ZNF385D: variants seen among roughly 807,000 people sequenced by gnomAD.
The protein encoded by ZNF385D is zinc finger protein 659.
ZNF385D carries 15 observed loss-of-function variants against 35.8 expected under a neutral mutation model. The observed-to-expected ratio is 0.42, with a 90% CI of 0.28 to 0.64. ZNF385D has a LOEUF of 0.64. Among genes scored for constraint, ZNF385D ranks in the 30% least tolerant of loss-of-function variants. The pLI is 0.23. For synonymous variants in ZNF385D, 212 were observed against 186.8 expected, an observed-to-expected ratio of 1.13 and a Z score of -1.10; for missense variants, 474 against 494.6, an observed-to-expected ratio of 0.96 and a Z score of 0.39.
intron 4 of ZNF385D, among the ~76,000 whole-genome samples, chr3:21,446,390 C>T (rs932143427): frequency 2.6e-5 from 4 of 151,716 alleles, no homozygotes; most frequent in African/African-American, 9.7e-5. Context: ...ATTGGCACAT[C>T]CCAGGCAAGC....
chr3:21,797,073 G>A (rs1609975), intron 3 of ZNF385D, among the ~76,000 whole-genome samples: 107,486 of 152,106 alleles, frequency 0.71, 38,199 homozygotes, highest in East Asian at 0.82. Context: ...AAGTCAAGAC[G>A]TATTTGCAAA....
At chr3:21,629,937 G>C (rs1019990705) in intron 2 of ZNF385D, among the ~76,000 whole-genome samples, 1 of 152,096 alleles carries the variant, frequency 6.6e-6, no homozygotes, top group Non-Finnish European at 1.5e-5. Context: ...TTACTGCAAT[G>C]ATATGGTTAA....
At chr3:21,980,327 A>T in intron 3 of ZNF385D, among the ~76,000 whole-genome samples, 1 of 152,156 alleles carries the variant, frequency 6.6e-6, no homozygotes, top group Non-Finnish European at 1.5e-5. Flanking sequence ...GTCGCTTTTG[A>T]ATTCCTGACT....
At chr3:21,819,755 CAT>C (rs1455185104) in intron 3 of ZNF385D, among the ~76,000 whole-genome samples, 1 of 139,564 alleles carries the variant, frequency 7.2e-6, no homozygotes, top group East Asian at 2.1e-4. Context: ...CACACGTACA[CAT>C]AATTATATAT....
intron 3 of ZNF385D, among the ~76,000 whole-genome samples, chr3:22,022,256 G>A (rs971905748): frequency 5.9e-5 from 9 of 152,176 alleles, no homozygotes; most frequent in African/African-American, 1.9e-4. Context: ...AGCTTCAAAG[G>A]AATGTTAGCT....
rs746138066 is a variant in ZNF385D, at chr3:21,602,517, C to CTTTTTTTTTTTTTTTTTTTT, written c.166-37853_166-37834dup. On this transcript the variant is annotated intron_variant, in intron 2 of 7. Transcript: ENST00000281523. ...TAGGTCTCCTGTTTCCCTGCATTTT[C>CTTTTTTTTTTTTTTTTTTTT]TTTTTTTTTTTTTTTTTTTTTTTTT... 2.2e-3 allele frequency among the ~76,000 whole-genome samples: 135 copies of CTTTTTTTTTTTTTTTTTTTT among 62,670 alleles called. 16 individuals are homozygous for CTTTTTTTTTTTTTTTTTTTT. Among genetic ancestry groups the CTTTTTTTTTTTTTTTTTTTT allele is most frequent in the African/African-American group, 4.3e-3 (57 of 13,234 alleles). The allele number at this position is 62,670 out of a possible 152,430, so 41.1% of individuals were successfully genotyped here.
intron 3 of ZNF385D, among the ~76,000 whole-genome samples, chr3:22,145,244 T>A (rs1042253400): frequency 6.6e-6 from 1 of 152,220 alleles, no homozygotes; most frequent in Non-Finnish European, 1.5e-5. Flanking sequence ...ATAAATAAAG[T>A]TATTAGGTTG....
At chr3:21,792,578 G>A (rs1559626427) in intron 3 of ZNF385D, among the ~76,000 whole-genome samples, 1 of 152,070 alleles carries the variant, frequency 6.6e-6, no homozygotes, top group Non-Finnish European at 1.5e-5. Context: ...TGGTCTATAG[G>A]ATCTTTGAAC....
In ZNF385D at chr3:21,836,955, T is replaced by C. The variant is rs1331764950; in HGVS notation, c.326-171927A>G. Among the ~76,000 whole-genome samples, 3 of 152,190 alleles carry C rather than the reference T, an allele frequency of 2.0e-5. No homozygotes were observed. In the South Asian group the frequency reaches 6.2e-4, roughly 32 times the overall value. ...TTGAGCTGATCCTGTCACCTCCATA[T>C]GTCACAATATGAGAAATTTTTAAGG... On this transcript the variant is annotated intron_variant, in intron 3 of 5. Transcript: ENST00000494108.
intron 2 of ZNF385D, among the ~76,000 whole-genome samples, chr3:22,203,569 G>A (rs1200489354): frequency 3.3e-5 from 5 of 152,084 alleles, no homozygotes; most frequent in Non-Finnish European, 7.4e-5. Flanking sequence ...GCAGTTCTAG[G>A]CCTTGGCTCT....
intron 2 of ZNF385D, among the ~76,000 whole-genome samples, chr3:22,339,582 C>T (rs912070884): frequency 3.3e-5 from 5 of 152,190 alleles, no homozygotes; most frequent in Non-Finnish European, 1.5e-5. Context: ...TTTCTATTAA[C>T]CTTTTCCATT....
At chr3:22,199,975 T>G (rs1264394224) in intron 2 of ZNF385D, among the ~76,000 whole-genome samples, 1 of 152,070 alleles carries the variant, frequency 6.6e-6, no homozygotes, top group Non-Finnish European at 1.5e-5. Flanking sequence ...CTGGATTTAT[T>G]TAATCATCAA....
intron 2 of ZNF385D, among the ~76,000 whole-genome samples, chr3:22,274,759 G>A (rs78779725): frequency 0.053 from 7,943 of 150,144 alleles, 307 homozygotes; most frequent in African/African-American, 0.1. Context: ...TAAATATTGC[G>A]GCTTGGATTC....
At chr3:22,035,013 T>A (rs1025502964) in intron 3 of ZNF385D, among the ~76,000 whole-genome samples, 2 of 152,002 alleles carry the variant, frequency 1.3e-5, no homozygotes, top group Non-Finnish European at 2.9e-5. Context: ...GTTTTGTACA[T>A]AAAATTTGTA....
intron 3 of ZNF385D, among the ~76,000 whole-genome samples, chr3:22,037,154 T>C (rs574199298): frequency 7.6e-4 from 115 of 152,072 alleles, no homozygotes; most frequent in African/African-American, 2.7e-3. Context: ...CTATTGTGAA[T>C]AGTGCCGCAA....
At chr3:21,626,477 T>C (rs902027887) in intron 2 of ZNF385D, among the ~76,000 whole-genome samples, 5 of 152,188 alleles carry the variant, frequency 3.3e-5, no homozygotes, top group African/African-American at 1.2e-4. Flanking sequence ...TATTTGGTTC[T>C]GATCTGTGAC....
chr3:22,271,991 G>A (rs1234523881), intron 2 of ZNF385D, among the ~76,000 whole-genome samples: 1 of 151,952 alleles, frequency 6.6e-6, no homozygotes, highest in African/African-American at 2.4e-5. Context: ...GCAATCATGT[G>A]GTTAAACAAC....
intron 3 of ZNF385D, among the ~76,000 whole-genome samples, chr3:21,852,014 C>T (rs905743725): frequency 6.6e-6 from 1 of 151,984 alleles, no homozygotes; most frequent in Non-Finnish European, 1.5e-5. Context: ...TGCTTCATGA[C>T]AGCAAAATCA....
rs116653979 is a variant in ZNF385D at position 21,499,252 on chromosome 3, G to A, written c.439+11609C>T. 4.1e-3 allele frequency among the ~76,000 whole-genome samples: 628 copies of A among 152,192 alleles called. 3 individuals carry two copies. Among genetic ancestry groups the A allele is most frequent in the Non-Finnish European group, 7.2e-3 (488 of 68,012 alleles). ...CCTAATGCCCATCAATGGTAGACTG[G>A]ATAAGGAAAATTTGGTACATATACA... On this transcript the variant is annotated intron_variant, in intron 4 of 7. Coordinates refer to ENST00000281523, the MANE Select transcript of ZNF385D (RefSeq NM_024697.3).
Sources: gnomAD v4.1 joint callset for allele counts (sites outside exome capture counted in the v4.1 genomes callset) on GRCh38, gnomAD v4.1.1 for gene constraint, MANE v1.5 for transcripts, NCBI Gene and HGNC (gene_info 2026-07-23, HGNC 2026-07-21) for gene names.